The following CADM2 variants were observed in gnomAD, a reference collection of about 807,000 sequenced individuals.
The protein encoded by CADM2 is cell adhesion molecule 2, also known as immunoglobulin superfamily member 4D.
Under a neutral mutation model 49.8 loss-of-function variants are expected in CADM2, and 12 were observed. The observed-to-expected ratio is 0.24, with a 90% confidence interval of 0.15 to 0.39. The LOEUF (loss-of-function observed/expected upper bound fraction) is 0.39. Ranked by LOEUF, CADM2 falls within the 10% of genes least tolerant of loss-of-function variation. CADM2 has a pLI of 1.00. For missense variants in CADM2, 378 were observed against 492.3 expected (o/e 0.77, Z 2.20); for synonymous variants, 214 against 175.4 (o/e 1.22, Z -1.74).
At chr3:85,483,529 G>C (rs1014335899) in intron 1 of CADM2, among the ~76,000 whole-genome samples, 3 of 150,414 alleles carry the variant, frequency 2.0e-5, no homozygotes, top group Admixed American at 6.7e-5. Context: ...ACTATTTTTT[G>C]GTGCTTCAGG....
chr3:85,281,652 C>T (rs1056564249), intron 1 of CADM2, among the ~76,000 whole-genome samples: 1 of 152,006 alleles, frequency 6.6e-6, no homozygotes, highest in Non-Finnish European at 1.5e-5. Flanking sequence ...AAAGAGTTCA[C>T]TAAATAGATT....
intron 6 of CADM2, among the ~76,000 whole-genome samples, chr3:85,925,537 G>A (rs945755592): frequency 4.6e-5 from 7 of 152,048 alleles, no homozygotes; most frequent in African/African-American, 1.7e-4. Flanking sequence ...TTGTACCCAG[G>A]AAAAAACGAG....
intron 1 of CADM2, among the ~76,000 whole-genome samples, chr3:85,321,118 T>TATATA (rs1559778046): frequency 6.5e-4 from 6 of 9,222 alleles, no homozygotes; most frequent in Non-Finnish European, 9.8e-4. Context: ...ATATATATAT[T>TATATA]TTTTTTTTTT....
In CADM2 at chr3:85,563,747, A is replaced by G. The variant is rs17023009; in HGVS notation, c.62-162775A>G. Among the ~76,000 whole-genome samples, 1,360 of 152,250 alleles carry G rather than the reference A, an allele frequency of 8.9e-3. 22 individuals carry two copies. The highest frequency in any genetic ancestry group is 0.03 in the African/African-American group (1,235 of 41,556). ...GGTCTTCCAAATTTGCACGGTGATG[A>G]CTAGCAACCGAAAATGAAGCAAGTG... On this transcript the variant is annotated intron_variant, in intron 1 of 9. Coordinates refer to ENST00000383699, the MANE Select transcript of CADM2 (RefSeq NM_001167675.2).
intron 3 of CADM2, among the ~76,000 whole-genome samples, chr3:85,825,956 A>T (rs147547143): frequency 7.1e-4 from 108 of 152,118 alleles, no homozygotes; most frequent in Middle Eastern, 3.4e-3. Flanking sequence ...ATAAATGTAG[A>T]TTGTATTGAA....
chr3:85,721,800 T>C (rs1260384582), intron 1 of CADM2, among the ~76,000 whole-genome samples: 1 of 152,204 alleles, frequency 6.6e-6, no homozygotes, highest in Admixed American at 6.5e-5. Context: ...TTTCTTGTCT[T>C]CTCCCACAAT....
chr3:85,792,160 C>T (rs2071374890), intron 2 of CADM2, among the ~76,000 whole-genome samples: 1 of 152,034 alleles, frequency 6.6e-6, no homozygotes, highest in East Asian at 1.9e-4. Context: ...CTTGAGAGAA[C>T]AAAAAAATAT....
At chr3:86,032,352 G>A (rs1578007546) in intron 8 of CADM2, among the ~76,000 whole-genome samples, 1 of 151,778 alleles carries the variant, frequency 6.6e-6, no homozygotes, top group Admixed American at 6.6e-5. Flanking sequence ...GGCTAGAATA[G>A]ACATCGAACA....
intron 8 of CADM2, among the ~76,000 whole-genome samples, chr3:85,974,326 T>C (rs1416931358): frequency 6.6e-6 from 1 of 151,638 alleles, no homozygotes; most frequent in African/African-American, 2.4e-5. Context: ...TATGTCTAGC[T>C]CTGTCAAGGG....
chr3:85,593,791 T>G (rs2063172383), intron 1 of CADM2, among the ~76,000 whole-genome samples: 1 of 151,972 alleles, frequency 6.6e-6, no homozygotes, highest in Admixed American at 6.6e-5. Flanking sequence ...ATGAGAAAAT[T>G]TATGTTATCT....
intron 6 of CADM2, among the ~76,000 whole-genome samples, chr3:85,920,164 G>A (rs544386160): frequency 2.0e-5 from 3 of 151,768 alleles, no homozygotes; most frequent in African/African-American, 4.8e-5. Context: ...CAGCTTATCA[G>A]ATAGGAAGAC....
intron 1 of CADM2, among the ~76,000 whole-genome samples, chr3:84,962,218 C>T (rs1268567927): frequency 6.6e-6 from 1 of 150,584 alleles, no homozygotes; most frequent in African/African-American, 2.4e-5. Context: ...TGTCTGTGGA[C>T]TTAGGAGCAT....
At chr3:85,325,757 ATCAGGAGCC>A (rs2044735291) in intron 1 of CADM2, among the ~76,000 whole-genome samples, 1 of 151,042 alleles carries the variant, frequency 6.6e-6, no homozygotes, top group Non-Finnish European at 1.5e-5. Context: ...TTAATTTTTT[ATCAGGAGCC>A]ATGATTTAAA....
intron 1 of CADM2, among the ~76,000 whole-genome samples, chr3:85,430,927 T>G (rs2036633680): frequency 6.6e-6 from 1 of 152,058 alleles, no homozygotes. Context: ...TCCTCAAACA[T>G]AAAATAGGAA....
intron 1 of CADM2, among the ~76,000 whole-genome samples, chr3:85,322,581 C>T (rs765653986): frequency 6.6e-6 from 1 of 152,100 alleles, no homozygotes; most frequent in Non-Finnish European, 1.5e-5. Flanking sequence ...TAGAAATGTC[C>T]ATGTTTAAAG....
intron 1 of CADM2, among the ~76,000 whole-genome samples, chr3:85,315,943 C>G (rs949421670): frequency 1.3e-5 from 2 of 152,056 alleles, no homozygotes; most frequent in African/African-American, 4.8e-5. Flanking sequence ...AAAAGCACAT[C>G]AAGAAGGAAG....
At chr3:85,763,171 G>A (rs1338477889) in intron 2 of CADM2, among the ~76,000 whole-genome samples, 1 of 152,118 alleles carries the variant, frequency 6.6e-6, no homozygotes, top group Admixed American at 6.6e-5. Flanking sequence ...CTGACAGTTT[G>A]GATGGAGAGC....
intron 1 of CADM2, among the ~76,000 whole-genome samples, chr3:85,368,557 T>C (rs958109842): frequency 1.4e-5 from 2 of 148,126 alleles, no homozygotes; most frequent in African/African-American, 4.9e-5. Context: ...TGAATATATA[T>C]ATACCTGAAT....
chr3:85,366,289 A>C (rs905142635), intron 1 of CADM2, among the ~76,000 whole-genome samples: 1 of 152,194 alleles, frequency 6.6e-6, no homozygotes, highest in Non-Finnish European at 1.5e-5. Context: ...AAGTCTTTGA[A>C]GTCTGACTAT....
Sources: gnomAD v4.1 joint callset for allele counts (sites outside exome capture counted in the v4.1 genomes callset) on GRCh38, gnomAD v4.1.1 for gene constraint, MANE v1.5 for transcripts, NCBI Gene and HGNC (gene_info 2026-07-23, HGNC 2026-07-21) for gene names.